Variants in PPFIA2 observed in about 807,000 individuals in gnomAD.
The protein encoded by PPFIA2 is PPFI scaffold protein A2.
In PPFIA2, 46 loss-of-function variants were observed where a neutral mutation model predicts 175.5. The ratio of observed to expected loss-of-function variants is 0.26; its 90% CI spans 0.21 to 0.34. The LOEUF (loss-of-function observed/expected upper bound fraction) is 0.34. Ranked by LOEUF, PPFIA2 falls within the 10% of genes least tolerant of loss-of-function variation. The pLI is 1.00. For synonymous variants in PPFIA2, 568 were observed against 511.4 expected, an observed-to-expected ratio of 1.11 and a Z score of -1.49; for missense variants, 1,179 against 1,506.1, an observed-to-expected ratio of 0.78 and a Z score of 3.60.
intron 8 of PPFIA2, among the ~76,000 whole-genome samples, chr12:81,387,776 C>T (rs73356609): frequency 0.19 from 28,271 of 152,040 alleles, 2,732 homozygotes; most frequent in Middle Eastern, 0.23. Context: ...ATTGGTTCCA[C>T]CCATCTTCCC....
At chr12:81,511,318 A>G (rs147016988) in intron 4 of PPFIA2, among the ~76,000 whole-genome samples, 4 of 152,184 alleles carry the variant, frequency 2.6e-5, no homozygotes, top group Non-Finnish European at 4.4e-5. Flanking sequence ...GGGTGTGTCA[A>G]TTAGCACAAA....
rs768705071 is a variant in PPFIA2, at chr12:81,347,605, A to T, written c.2160T>A (p.Ser720Arg). ...GGGTGAGCTTTGGAGTTGAGTGTCC[A>T]CTGGGGGGAGATGAACTGGCCAGCG... ...ASSLASSSPP[S>R]GHSTPKLTPR... The change falls in exon 18 of 33, where the codon AGT becomes AGA. Residue 720 changes from serine to arginine, a missense_variant. Physicochemically the swap from Ser to Arg is moderately radical, Grantham distance 110 (BLOSUM62 -1). Transcript: ENST00000549396. 3 of 1,613,774 alleles carry T rather than the reference A, an allele frequency of 1.9e-6. No individual in the cohort carries two copies. Among genetic ancestry groups the T allele is most frequent in the Non-Finnish European group, 2.5e-6 (3 of 1,179,768 alleles).
chr12:81,583,308 G>A (rs1032247699), intron 4 of PPFIA2, among the ~76,000 whole-genome samples: 4 of 151,666 alleles, frequency 2.6e-5, no homozygotes, highest in Admixed American at 6.6e-5. Context: ...GTTTCAAAAT[G>A]CTTTCTATCA....
chr12:81,523,205 CTAAA>C (rs976600279), intron 4 of PPFIA2, among the ~76,000 whole-genome samples: 7 of 152,270 alleles, frequency 4.6e-5, no homozygotes, highest in Admixed American at 3.3e-4. Context: ...TGCTAAATAG[CTAAA>C]TAGTCTCTCA....
chr12:81,635,354 ACACT>A (rs1240216231), intron 4 of PPFIA2, among the ~76,000 whole-genome samples: 1 of 152,230 alleles, frequency 6.6e-6, no homozygotes, highest in Admixed American at 6.5e-5. Flanking sequence ...ATATATACAC[ACACT>A]CACTGTTTCA....
At chr12:81,376,004 G>A in intron 9 of PPFIA2, 62 bp from the exon 10 acceptor site, 1 of 1,406,970 alleles carries the variant, frequency 7.1e-7, no homozygotes, top group Non-Finnish European at 9.8e-7. Flanking sequence ...TTATTGTCTT[G>A]TTAGTTAAAT....
At chr12:81,539,466 G>A (rs2065893361) in intron 4 of PPFIA2, among the ~76,000 whole-genome samples, 1 of 151,930 alleles carries the variant, frequency 6.6e-6, no homozygotes. Context: ...CGATGTAGGA[G>A]TAAAACTTGA....
intron 4 of PPFIA2, among the ~76,000 whole-genome samples, chr12:81,466,823 A>AT (rs1298060439): frequency 1.3e-5 from 2 of 150,776 alleles, no homozygotes; most frequent in African/African-American, 4.9e-5. Flanking sequence ...CCCTAGTCAC[A>AT]TTTGTCTTCT....
intron 11 of PPFIA2, among the ~76,000 whole-genome samples, chr12:81,370,963 T>C (rs1285545145): frequency 6.6e-6 from 1 of 151,916 alleles, no homozygotes; most frequent in Admixed American, 6.6e-5. Flanking sequence ...ATGCAGTAAC[T>C]GAAAAGAAAT....
intron 4 of PPFIA2, among the ~76,000 whole-genome samples, chr12:81,536,608 G>T (rs891778396): frequency 2.7e-4 from 40 of 149,884 alleles, no homozygotes; most frequent in African/African-American, 8.8e-4. Context: ...AAAGTGAACA[G>T]CAAATTGACT....
At chr12:81,681,386 A>G (rs2073600087) in intron 3 of PPFIA2, among the ~76,000 whole-genome samples, 1 of 152,010 alleles carries the variant, frequency 6.6e-6, no homozygotes, top group African/African-American at 2.4e-5. Flanking sequence ...TCCTGGCATG[A>G]AAACCCAGTA....
chr12:81,636,923 G>A (rs1475965386), intron 4 of PPFIA2, among the ~76,000 whole-genome samples: 2 of 152,086 alleles, frequency 1.3e-5, no homozygotes, highest in Non-Finnish European at 2.9e-5. Context: ...AAAGTGCTGG[G>A]TAGAATGAAA....
chr12:81,427,677 C>G (rs1469636286), intron 7 of PPFIA2, among the ~76,000 whole-genome samples: 3 of 151,920 alleles, frequency 2.0e-5, no homozygotes, highest in Non-Finnish European at 4.4e-5. Flanking sequence ...CATTTTTTAT[C>G]ACATTCAAAG....
chr12:81,576,530 TG>T (rs1303638877), intron 4 of PPFIA2, among the ~76,000 whole-genome samples: 1 of 151,826 alleles, frequency 6.6e-6, no homozygotes, highest in African/African-American at 2.4e-5. Context: ...ACTGTTTTTC[TG>T]GGTCTCATGC....
chr12:81,703,269 A>G (rs568591478), intron 3 of PPFIA2, among the ~76,000 whole-genome samples: 38 of 152,220 alleles, frequency 2.5e-4, no homozygotes, highest in African/African-American at 8.9e-4. Context: ...TCTCACAGAC[A>G]CCTCATACTA....
At chr12:81,502,189 C>G (rs79457264) in intron 4 of PPFIA2, among the ~76,000 whole-genome samples, 2 of 152,094 alleles carry the variant, frequency 1.3e-5, no homozygotes, top group East Asian at 3.9e-4. Context: ...CTCAGAGAAC[C>G]AAGTAAGTAG....
At chr12:81,505,420 T>C (rs541071618) in intron 4 of PPFIA2, among the ~76,000 whole-genome samples, 12 of 152,302 alleles carry the variant, frequency 7.9e-5, no homozygotes, top group Middle Eastern at 3.4e-3. Context: ...ATCTTGGTGA[T>C]TAATCAAAAG....
intron 4 of PPFIA2, among the ~76,000 whole-genome samples, chr12:81,537,678 G>C (rs1335382326): frequency 2.0e-5 from 3 of 151,818 alleles, no homozygotes; most frequent in Non-Finnish European, 4.4e-5. Context: ...TGCATATCAA[G>C]ACGTATTTTA....
intron 23 of PPFIA2, chr12:81,296,606 T>A (rs76381149): frequency 3.2e-5 from 2 of 61,744 alleles, no homozygotes; most frequent in East Asian, 2.3e-4. Context: ...ATTGACTGAT[T>A]TTTTTTTCTA....
Sources: gnomAD v4.1 joint callset for allele counts (sites outside exome capture counted in the v4.1 genomes callset) on GRCh38, gnomAD v4.1.1 for gene constraint, MANE v1.5 for transcripts, NCBI Gene and HGNC (gene_info 2026-07-23, HGNC 2026-07-21) for gene names.